Variants in TTN observed in about 807,000 individuals in gnomAD.
TTN encodes the protein titin.
A neutral mutation model predicts 3,223.0 loss-of-function variants in TTN; 1,525 were observed. The observed-to-expected ratio is 0.47, with a 90% CI of 0.45 to 0.49. The LOEUF is 0.49. Among genes scored for constraint, TTN ranks in the 20% least tolerant of loss-of-function variants. The pLI is 0.00. For missense variants in TTN, 40,786 were observed against 43,424.0 expected (o/e 0.94, Z 5.40); for synonymous variants, 14,094 against 15,161.0 (o/e 0.93, Z 5.17).
chr2:178,790,195 A>C, intron 11 of TTN, 80 bp from the exon 12 acceptor site: 1 of 1,488,154 alleles, frequency 6.7e-7, no homozygotes, highest in East Asian at 2.4e-5. Flanking sequence ...TCAAAAAGAA[A>C]GGAGGCAAAA....
intron 2 of TTN, among the ~76,000 whole-genome samples, chr2:178,802,568 T>C (rs1416063318): frequency 6.6e-6 from 1 of 152,202 alleles, no homozygotes; most frequent in African/African-American, 2.4e-5. Flanking sequence ...CTAATGATTT[T>C]TCCAAGGTCC....
Position 178,677,665 on chromosome 2 carries a change from T to A in TTN, c.34247A>T (p.Glu11416Val), listed in dbSNP as rs886055280. Residue 11416 changes from glutamate to valine, a missense_variant, in exon 146 of 363, where the codon GAA (glutamate) becomes GTA (valine). By Grantham distance (121) the Glu-to-Val change is moderately radical (BLOSUM62 -2). Transcript: ENST00000589042. ...CTTAGGTTTAACTTCTGGAAGGACTTCTTCTTCAGGTACAAATTCTTCTTC... is the reference window on the plus strand; with the variant it reads ...CTTAGGTTTAACTTCTGGAAGGACTACTTCTTCAGGTACAAATTCTTCTTC... ...PEEEEFVPEE[E>V]VLPEVKPKVP... 6.2e-6 allele frequency: 10 copies of A among 1,608,736 alleles called. No homozygotes were observed. The highest frequency in any genetic ancestry group is 2.2e-5 in the East Asian group (1 of 44,834).
Position 178,715,509 on chromosome 2 carries a change from T to C in TTN, c.25905A>G (p.Thr8635=). The C allele has an allele frequency of 1.2e-6, 2 of 1,611,892 alleles. No homozygotes were observed. Among genetic ancestry groups the C allele is most frequent in the Non-Finnish European group, 1.7e-6 (2 of 1,178,256 alleles). Residue 8635 remains threonine, a synonymous_variant, in exon 89 of 363, where the codon ACA becomes ACG. Coordinates refer to ENST00000589042, the MANE Select transcript of TTN (RefSeq NM_001267550.2). ...HNAAGSASSS[T]SLKVKEPPIF... is the part of the protein sequence containing the mutation. ...AGCGCTGACCTTTAACTTTTAAGGA[T>C]GTGCTGCTGCTGGCACTGCCTGCTG...
Position 178,794,484 on chromosome 2 carries a change from A to T in TTN, c.1313T>A (p.Val438Glu), listed in dbSNP as rs1574921396. The T allele has an allele frequency of 1.9e-6, 3 of 1,613,710 alleles. No homozygotes were observed. The highest frequency in any genetic ancestry group is 1.3e-5 in the African/African-American group (1 of 74,804). Residue 438 changes from valine to glutamate, a missense_variant, in exon 8 of 363, where the codon GTG becomes GAG. By Grantham distance (121) the Val-to-Glu change is moderately radical. Coordinates refer to ENST00000589042, the MANE Select transcript of TTN (RefSeq NM_001267550.2). ...TVVAAVDMAR[V>E]REPVISAVEQ... ...TACAGCGCTGATCACTGGTTCTCTC[A>T]CTCTGGCCATATCAACGGCAGCAAC...
rs755261062 is a variant in TTN at position 178,592,593 on chromosome 2, T to TA, written c.59411dup (p.Arg19805LysfsTer3). On this transcript the variant is annotated frameshift_variant, in exon 301 of 363. Coordinates refer to ENST00000589042, the MANE Select transcript of TTN (RefSeq NM_001267550.2). LOFTEE classifies it high-confidence loss of function. Reference sequence around the variant, plus strand: ...CTCCTTTGATGATGGCACTAAGTCTTAGAGTATCACCAACTTTAATGTGTT... The same window carrying TA: ...CTCCTTTGATGATGGCACTAAGTCTTAAGAGTATCACCAACTTTAATGTGTT... 6.2e-7 allele frequency: 1 copy of TA among 1,613,488 alleles called. No homozygotes were observed. Among genetic ancestry groups the TA allele is most frequent in the African/African-American group, 1.3e-5 (1 of 75,016 alleles).
At chr2:178,794,231 G>C (rs2093653941) in intron 8 of TTN, among the ~76,000 whole-genome samples, 168 bp downstream of exon 8, 1 of 152,134 alleles carries the variant, frequency 6.6e-6, no homozygotes, top group Non-Finnish European at 1.5e-5. Context: ...TGACATCTCC[G>C]ACCACCTTTT....
chr2:178,559,002 TACTA>T (rs990081659), intron 326 of TTN: 1 of 298,914 alleles, frequency 3.3e-6, no homozygotes, highest in Non-Finnish European at 6.1e-6. Flanking sequence ...CATACACACA[TACTA>T]TATATATATA....
At chr2:178,770,359 C>T in intron 35 of TTN, 39 bp from the exon 36 acceptor site, 1 of 1,614,154 alleles carries the variant, frequency 6.2e-7, no homozygotes. Context: ...ATAGGGTTAA[C>T]TTAATGGTAA....
rs760523669 is a variant in TTN, at chr2:178,717,643, C to T, written c.25231G>A (p.Val8411Ile). The change falls in exon 87 of 363, where the codon GTT (valine) becomes ATT (isoleucine). Residue 8411 changes from valine (V) to isoleucine (I), a missense_variant. Val to Ile is a conservative substitution (Grantham distance 29). Transcript: ENST00000589042. ...KDDANLQTSF[V>I]HNVATLQILQ... Reference sequence around the variant, plus strand: ...ATCTGAAGAGTTGCTACATTATGAACAAAAGATGTCTGCAAATTAGCATCA... The same window carrying T: ...ATCTGAAGAGTTGCTACATTATGAATAAAAGATGTCTGCAAATTAGCATCA... The T allele has an allele frequency of 4.2e-5, 68 of 1,613,166 alleles. No individual in the cohort carries two copies. The highest frequency in any genetic ancestry group is 3.0e-5 in the Non-Finnish European group (35 of 1,179,550).
intron 210 of TTN, 112 bp from the exon 211 acceptor site, chr2:178,650,006 G>A: frequency 7.4e-7 from 1 of 1,356,938 alleles, no homozygotes; most frequent in Non-Finnish European, 1.0e-6. Flanking sequence ...ACCAAATTCT[G>A]TGGGTCCAAA....
At chr2:178,610,524 G>T in intron 270 of TTN, 135 bp from the exon 271 acceptor site, 1 of 948,132 alleles carries the variant, frequency 1.1e-6, no homozygotes, top group Non-Finnish European at 1.6e-6. Flanking sequence ...TCACACTGCA[G>T]AGCATTTAGC....
Position 178,562,875 on chromosome 2 carries a change from C to A in TTN, c.83257G>T (p.Gly27753Cys). The A allele has an allele frequency of 6.2e-7, 1 of 1,613,134 alleles. No individual in the cohort carries two copies. ...RYNLTLENNS[G>C]SKTAFVNVRV... ...ACGTTAACAAAAGCTGTTTTGGAGC[C>A]ACTATTATTTTCTAATGTCAGATTA... The change falls in exon 326 of 363, where the codon GGC becomes TGC. Residue 27753 changes from glycine (G) to cysteine (C), a missense_variant. Gly to Cys is a radical substitution (Grantham distance 159, BLOSUM62 -3). Coordinates refer to ENST00000589042, the MANE Select transcript of TTN (RefSeq NM_001267550.2).
rs1453366713 is a variant in TTN, at chr2:178,537,142, T to A, written c.99967A>T (p.Ile33323Phe). 3 of 1,613,494 alleles carry A rather than the reference T, an allele frequency of 1.9e-6. No individual in the cohort carries two copies. The Admixed American group carries it at 5.0e-5, about 27-fold the overall frequency. Residue 33323 changes from isoleucine to phenylalanine, a missense_variant, in exon 356 of 363, where the codon ATC (isoleucine) becomes TTC (phenylalanine). Physicochemically the swap from Ile to Phe is conservative, Grantham distance 21. Coordinates refer to ENST00000589042, the MANE Select transcript of TTN (RefSeq NM_001267550.2). ...CATTTTTCCACCACATAGTTGGTGATCCAGGAGCCTCCGTCATCTGCGGGT... is the reference window on the plus strand; with the variant it reads ...CATTTTTCCACCACATAGTTGGTGAACCAGGAGCCTCCGTCATCTGCGGGT... ...KPPADDGGSW[I>F]TNYVVEKCEA...
chr2:178,722,034 C>T lies in TTN; in HGVS notation c.22629G>A (p.Pro7543=), dbSNP rs776917811. Residue 7543 remains proline, a synonymous_variant, in exon 78 of 363, where the codon CCG becomes CCA. Coordinates refer to ENST00000589042, the MANE Select transcript of TTN (RefSeq NM_001267550.2). ...DFECHVTGAQ[P]MRITWSKDNK... The stretch of plus-strand genomic sequence containing the variant: ...TATCTTTTGACCAAGTGATTCGCAT[C>T]GGTTGAGCACCAGTAACATGACACT... The T allele has an allele frequency of 1.9e-5, 30 of 1,613,240 alleles. No homozygotes were observed. Among genetic ancestry groups the T allele is most frequent in the East Asian group, 4.5e-5 (2 of 44,864 alleles).
At chr2:178,685,383 A>G (rs772713339) in intron 128 of TTN, 53 bp from the exon 129 acceptor site, 143 of 1,508,596 alleles carry the variant, frequency 9.5e-5, no homozygotes, top group Non-Finnish European at 1.3e-4. Flanking sequence ...TCTTTTCGAT[A>G]AAAGTGTAAG....
At chr2:178,664,175 A>T in intron 168 of TTN, 77 bp from the exon 169 acceptor site, 5 of 1,411,524 alleles carry the variant, frequency 3.5e-6, no homozygotes, top group Admixed American at 4.5e-5. Context: ...TTCAAGAACA[A>T]AAGAGCTATT....
chr2:178,561,776 A>G lies in TTN; in HGVS notation c.84356T>C (p.Leu28119Pro), dbSNP rs1461216101. 1 of 1,613,664 alleles carries G rather than the reference A, an allele frequency of 6.2e-7. No individual in the cohort carries two copies. The highest frequency in any genetic ancestry group is 1.7e-5 in the Admixed American group (1 of 59,996). ...VARTSIKIVRLTTGSEYQFRV... is the reference protein window; with the variant it reads ...VARTSIKIVRPTTGSEYQFRV... ...GAACTGATACTCACTTCCTGTTGTC[A>G]GGCGAACTATTTTAATGGATGTTCT... The change falls in exon 326 of 363, where the codon CTG becomes CCG. Residue 28119 changes from leucine to proline, a missense_variant. By Grantham distance (98) the Leu-to-Pro change is moderately conservative. Transcript: ENST00000589042.
At position 178,792,266 on chromosome 2, in the gene TTN, A is replaced by C. The variant is rs72647852; in HGVS notation, c.1537-69T>G. The C allele has an allele frequency of 5.7e-3, 8,400 of 1,462,898 alleles. 43 individuals carry two copies. Among genetic ancestry groups the C allele is most frequent in the Middle Eastern group, 0.016 (65 of 4,000 alleles). The allele number at this position is 1,462,898 out of a possible 1,614,324, so 90.6% of individuals were successfully genotyped here. ...AATGAAATAATATGGTGTTTATTAA[A>C]TATAACAACATAGGAATTTGAAGAT... On this transcript the variant is annotated intron_variant, in intron 9 of 362. Coordinates refer to ENST00000589042, the MANE Select transcript of TTN (RefSeq NM_001267550.2).
chr2:178,631,946 T>A (rs2059855579), intron 236 of TTN, among the ~76,000 whole-genome samples: 1 of 152,074 alleles, frequency 6.6e-6, no homozygotes, highest in African/African-American at 2.4e-5. Context: ...ATTTTGTGGG[T>A]GTAAGCTAGA....
Sources: gnomAD v4.1 joint callset for allele counts (sites outside exome capture counted in the v4.1 genomes callset) on GRCh38, gnomAD v4.1.1 for gene constraint, MANE v1.5 for transcripts, NCBI Gene and HGNC (gene_info 2026-07-23, HGNC 2026-07-21) for gene names.